AGAP1: variants seen among roughly 807,000 people sequenced by gnomAD.
AGAP1 encodes the protein ArfGAP with GTPase domain, ankyrin repeat and PH domain 1, also known as arf-GAP with GTPase, ANK repeat and PH domain-containing protein 1.
A neutral mutation model predicts 105.3 loss-of-function variants in AGAP1; 29 were observed. The observed-to-expected ratio is 0.28, with a 90% CI of 0.21 to 0.38. AGAP1 has a LOEUF of 0.38. Among genes scored for constraint, AGAP1 ranks in the 10% least tolerant of loss-of-function variants. The probability of loss-of-function intolerance (pLI) is 1.00; values close to 1 mark genes in which losing one functional copy is unlikely to be tolerated. For synonymous variants in AGAP1, 509 were observed against 485.9 expected, an observed-to-expected ratio of 1.05 and a Z score of -0.63; for missense variants, 998 against 1,165.1, an observed-to-expected ratio of 0.86 and a Z score of 2.09.
At chr2:236,075,132 A>G (rs906583742) in intron 16 of AGAP1, among the ~76,000 whole-genome samples, 8 of 152,178 alleles carry the variant, frequency 5.3e-5, no homozygotes, top group African/African-American at 1.7e-4. Flanking sequence ...GCCAGTCTGT[A>G]GAGATAGAAG....
At chr2:235,506,029 C>G (rs1467593195) in intron 1 of AGAP1, among the ~76,000 whole-genome samples, 1 of 150,120 alleles carries the variant, frequency 6.7e-6, no homozygotes, top group African/African-American at 2.5e-5. Flanking sequence ...CTCCCAGGTT[C>G]AAGTGATTCG....
chr2:235,968,554 A>G lies in AGAP1; in HGVS notation c.1576A>G (p.Arg526Gly), dbSNP rs2054506049. The G allele has an allele frequency of 7.7e-7, 1 of 1,302,746 alleles. No individual in the cohort carries two copies. The highest frequency in any genetic ancestry group is 1.0e-6 in the Non-Finnish European group (1 of 989,780). 80.7% of individuals were successfully genotyped at this position (1,302,746 alleles called of 1,614,324 possible). A position where few individuals can be genotyped will look rare whatever the true frequency, so the allele number is the denominator to read the frequency against. The change falls in exon 13 of 18, where the codon AGA becomes GGA. Residue 526 changes from arginine (R) to glycine (G), a missense_variant. Physicochemically the swap from Arg to Gly is moderately radical, Grantham distance 125. Coordinates refer to ENST00000304032, the MANE Select transcript of AGAP1 (RefSeq NM_001037131.3). Reference sequence around the variant, plus strand: ...CCCGCCCCCCTCCCCTCACGCCAACAGAAAGAAGCACCGAAGGAAGAAAAG... The same window carrying G: ...CCCGCCCCCCTCCCCTCACGCCAACGGAAAGAAGCACCGAAGGAAGAAAAG... ...LDPPPSPHAN[R>G]KKHRRKKSTS...
chr2:236,008,685 C>T (rs931831483), intron 13 of AGAP1, among the ~76,000 whole-genome samples: 2 of 152,090 alleles, frequency 1.3e-5, no homozygotes, highest in South Asian at 2.1e-4. Flanking sequence ...TTTATTTTCC[C>T]GGGTTGATGG....
chr2:236,007,420 ATACT>A (rs1387545242), intron 13 of AGAP1, among the ~76,000 whole-genome samples: 3 of 152,224 alleles, frequency 2.0e-5, no homozygotes, highest in Admixed American at 2.0e-4. Context: ...GGCAGATCAA[ATACT>A]TCAAGAAGGG....
At chr2:235,497,998 C>T (rs1941395677) in intron 1 of AGAP1, among the ~76,000 whole-genome samples, 1 of 152,174 alleles carries the variant, frequency 6.6e-6, no homozygotes, top group African/African-American at 2.4e-5. Context: ...TCACTGTTTT[C>T]TGGCATCTTC....
intron 6 of AGAP1, among the ~76,000 whole-genome samples, chr2:235,767,025 T>C (rs1013419664): frequency 6.6e-6 from 1 of 151,600 alleles, no homozygotes; most frequent in African/African-American, 2.4e-5. Flanking sequence ...GCAATTCTCC[T>C]GATTCAGCCT....
At chr2:236,110,272 G>C (rs2059610156) in intron 16 of AGAP1, among the ~76,000 whole-genome samples, 1 of 152,106 alleles carries the variant, frequency 6.6e-6, no homozygotes, top group Non-Finnish European at 1.5e-5. Flanking sequence ...AAGGTGGGAG[G>C]ATTGCTTGAG....
chr2:235,523,779 G>A (rs1176055220), intron 1 of AGAP1, among the ~76,000 whole-genome samples: 22 of 152,098 alleles, frequency 1.4e-4, no homozygotes, highest in African/African-American at 5.1e-4. Flanking sequence ...TGGCCAGGGT[G>A]TGGGATTGCA....
intron 16 of AGAP1, among the ~76,000 whole-genome samples, chr2:236,102,456 C>T (rs1002715899): frequency 7.0e-6 from 1 of 142,650 alleles, no homozygotes; most frequent in South Asian, 2.2e-4. Context: ...GGTGTGGTGG[C>T]TCATGCCTGT....
At chr2:236,077,127 A>G (rs1437964581) in intron 16 of AGAP1, among the ~76,000 whole-genome samples, 15 of 38,976 alleles carry the variant, frequency 3.8e-4, no homozygotes, top group South Asian at 7.8e-4. Flanking sequence ...AAAAGAGTAG[A>G]AAAAAAAAAA....
intron 1 of AGAP1, among the ~76,000 whole-genome samples, chr2:235,605,390 G>C (rs887586013): frequency 2.0e-4 from 30 of 152,202 alleles, no homozygotes; most frequent in African/African-American, 7.0e-4. Context: ...CTAATACCCA[G>C]AGAGCAGAAT....
At position 235,552,948 on chromosome 2, in the gene AGAP1, CAT is replaced by C. The variant is rs1300879925; in HGVS notation, c.163+58100_163+58101del. Among the ~76,000 whole-genome samples the C allele has an allele frequency of 1.3e-5, 2 of 152,224 alleles. No individual in the cohort carries two copies. Among genetic ancestry groups the C allele is most frequent in the South Asian group, 4.1e-4 (2 of 4,828 alleles). On this transcript the variant is annotated intron_variant, in intron 1 of 17. Transcript: ENST00000304032. This position sits in a 1 kb window ranked among gnomAD's most constrained non-coding sequence, Gnocchi z 5.9. ...AACTTCTCACACACATACATCCACA[CAT>C]GTGCATCTGATTGTGTGTGTGACAC...
intron 8 of AGAP1, among the ~76,000 whole-genome samples, chr2:235,807,001 T>C (rs1281778093): frequency 1.3e-5 from 2 of 152,216 alleles, no homozygotes; most frequent in African/African-American, 4.8e-5. Flanking sequence ...TAAAAAAGAA[T>C]TAAAAGATAA....
rs1315146420 is a variant in AGAP1 at position 235,904,918 on chromosome 2, A to G, written c.1156-3820A>G. ...AAATGCATTTTGTAAAATTTTTAAA[A>G]ATGTGCAGTGCCTTGAAATATAAGA... On this transcript the variant is annotated intron_variant, in intron 10 of 17. Transcript: ENST00000304032. This position sits in a 1 kb window ranked among gnomAD's most constrained non-coding sequence, Gnocchi z 4.2. 2.0e-5 allele frequency among the ~76,000 whole-genome samples: 3 copies of G among 152,158 alleles called. No individual in the cohort carries two copies. The East Asian group carries it at 5.8e-4, about 29-fold the overall frequency.
At chr2:235,645,542 C>T (rs1470551101) in intron 1 of AGAP1, among the ~76,000 whole-genome samples, 1 of 152,118 alleles carries the variant, frequency 6.6e-6, no homozygotes, top group African/African-American at 2.4e-5. Flanking sequence ...AGTGACTGGG[C>T]TCAGCCATCC....
Position 235,842,753 on chromosome 2 carries a change from AGTCTCACTCT to A in AGAP1, c.1050+35426_1050+35435del. Among the ~76,000 whole-genome samples the A allele has an allele frequency of 6.6e-6, 1 of 151,948 alleles. No individual in the cohort carries two copies. Among genetic ancestry groups the A allele is most frequent in the Non-Finnish European group, 1.5e-5 (1 of 67,954 alleles). ...GTTTTGTTTTGTTTTTTTGAGATGG[AGTCTCACTCT>A]GTCACCCAGGCCCGAGTGCAGTGGC... On this transcript the variant is annotated intron_variant, in intron 9 of 17. Coordinates refer to ENST00000304032, the MANE Select transcript of AGAP1 (RefSeq NM_001037131.3). The surrounding 1 kb of genome is among the most constrained non-coding windows in gnomAD (Gnocchi z 5.3).
chr2:235,836,805 A>G (rs1461277213), intron 9 of AGAP1, among the ~76,000 whole-genome samples: 1 of 152,232 alleles, frequency 6.6e-6, no homozygotes, highest in Non-Finnish European at 1.5e-5. Context: ...TCCTCGAGAT[A>G]GAGAACTATG....
Position 235,599,534 on chromosome 2 carries a change from A to G in AGAP1, c.163+104685A>G, listed in dbSNP as rs1392905435. ...TCCATAGCCACAAAAATAAGTTTAT[A>G]AAAAGCCCCCACCAAGTCAGGATTT... On this transcript the variant is annotated intron_variant, in intron 1 of 17. Transcript: ENST00000304032. This position sits in a 1 kb window ranked among gnomAD's most constrained non-coding sequence, Gnocchi z 5.3. Among the ~76,000 whole-genome samples, 1 of 152,180 alleles carries G rather than the reference A, an allele frequency of 6.6e-6. No homozygotes were observed. The highest frequency in any genetic ancestry group is 1.9e-4 in the East Asian group (1 of 5,176).
At chr2:236,065,941 G>A (rs1051257357) in intron 16 of AGAP1, among the ~76,000 whole-genome samples, 2 of 152,224 alleles carry the variant, frequency 1.3e-5, no homozygotes, top group African/African-American at 4.8e-5. Flanking sequence ...TGAGATTCTA[G>A]GGAGTAGCTG....
Sources: gnomAD v4.1 joint callset for allele counts (sites outside exome capture counted in the v4.1 genomes callset) on GRCh38, gnomAD v4.1.1 for gene constraint, Gnocchi (gnomAD v3.1) non-coding constraint, MANE v1.5 for transcripts, NCBI Gene and HGNC (gene_info 2026-07-23, HGNC 2026-07-21) for gene names.